ZNF670: variants seen among roughly 807,000 people sequenced by gnomAD.
ZNF670 encodes the protein zinc finger protein 670.
A neutral mutation model predicts 10.9 loss-of-function variants in ZNF670; 7 were observed. That is an observed-to-expected ratio of 0.64 (90% CI 0.36 to 1.20). ZNF670 has a LOEUF of 1.20. ZNF670 is among the 50% of genes most tolerant of loss of function. ZNF670 has a pLI of 0.02. For missense variants in ZNF670, 446 were observed against 458.6 expected, an observed-to-expected ratio of 0.97 and a Z score of 0.25; for synonymous variants, 136 against 152.7, an observed-to-expected ratio of 0.89 and a Z score of 0.81.
intron 1 of ZNF670, among the ~76,000 whole-genome samples, chr1:247,072,793 A>C (rs1671153015): frequency 1.6e-5 from 1 of 63,036 alleles, no homozygotes; most frequent in Admixed American, 2.5e-4. Flanking sequence ...GTCTCAAAAA[A>C]AAAAGTGTGT....
At chr1:247,066,061 C>G (rs1447353947) in intron 1 of ZNF670, among the ~76,000 whole-genome samples, 2 of 152,132 alleles carry the variant, frequency 1.3e-5, no homozygotes, top group East Asian at 3.9e-4. Flanking sequence ...CTGTGTGCAA[C>G]AAACTGAGGC....
chr1:247,072,157 A>C (rs1572573708), intron 1 of ZNF670, among the ~76,000 whole-genome samples: 1 of 141,952 alleles, frequency 7.0e-6, no homozygotes, highest in Non-Finnish European at 1.5e-5. Flanking sequence ...GCGCCCAGCC[A>C]CTTTTTTTTT....
chr1:247,045,972 A>G lies in ZNF670; in HGVS notation c.4-6435T>C, dbSNP rs552941846. Among the ~76,000 whole-genome samples, 4 of 152,318 alleles carry G rather than the reference A, an allele frequency of 2.6e-5. No homozygotes were observed. In the South Asian group the frequency reaches 8.3e-4, roughly 32 times the overall value. On this transcript the variant is annotated intron_variant, in intron 1 of 3. Coordinates refer to ENST00000366503, the MANE Select transcript of ZNF670 (RefSeq NM_033213.5). The stretch of plus-strand genomic sequence containing the variant: ...CAAAGACTTGGCTGCATTGTGTCCA[A>G]TGCCCTAAGGATTTGTAGGAGGTTT...
At chr1:247,039,891 G>A (rs1264227282) in intron 1 of ZNF670, among the ~76,000 whole-genome samples, 1 of 152,180 alleles carries the variant, frequency 6.6e-6, no homozygotes, top group African/African-American at 2.4e-5. Flanking sequence ...ATAACAGTTA[G>A]TATTAAGTCT....
intron 1 of ZNF670, among the ~76,000 whole-genome samples, chr1:247,076,446 T>C (rs1671255439): frequency 6.6e-6 from 1 of 151,302 alleles, no homozygotes; most frequent in African/African-American, 2.4e-5. Context: ...TTAGTAGAGA[T>C]GGGGTTTCAT....
At chr1:247,043,786 C>T in intron 1 of ZNF670, 1 of 374,226 alleles carries the variant, frequency 2.7e-6, no homozygotes, top group East Asian at 6.9e-5. Flanking sequence ...TTTGCAGAAA[C>T]TGGATCGGTT....
At chr1:247,049,914 A>G (rs1670551660) in intron 1 of ZNF670, among the ~76,000 whole-genome samples, 1 of 152,128 alleles carries the variant, frequency 6.6e-6, no homozygotes, top group Non-Finnish European at 1.5e-5. Context: ...GATTTTCTTA[A>G]ATTTATTGAG....
At chr1:247,051,965 G>A (rs947436753) in intron 1 of ZNF670, among the ~76,000 whole-genome samples, 4 of 148,918 alleles carry the variant, frequency 2.7e-5, no homozygotes, top group Non-Finnish European at 5.9e-5. Flanking sequence ...ATATGTGTTT[G>A]GAGATTTTTT....
intron 1 of ZNF670, among the ~76,000 whole-genome samples, chr1:247,045,485 C>G (rs920047881): frequency 6.6e-6 from 1 of 152,142 alleles, no homozygotes; most frequent in Non-Finnish European, 1.5e-5. Context: ...CTCTGACTCC[C>G]TCTCTCACCA....
intron 1 of ZNF670, among the ~76,000 whole-genome samples, chr1:247,059,864 G>C (rs1344664895): frequency 6.6e-6 from 1 of 152,134 alleles, no homozygotes; most frequent in African/African-American, 2.4e-5. Context: ...CTGTATATTA[G>C]CAATGAGCAA....
Position 247,078,715 on chromosome 1 carries a change from C to G in ZNF670, c.-119G>C, listed in dbSNP as rs527648346. Reference sequence around the variant, plus strand: ...TCCCAGGGATAAGGGGAAGGAGCAGCGGAGACGCACCGAGCTCGCCACATT... The same window carrying G: ...TCCCAGGGATAAGGGGAAGGAGCAGGGGAGACGCACCGAGCTCGCCACATT... On this transcript the variant is annotated 5_prime_UTR_variant, in exon 1 of 4. Coordinates refer to ENST00000366503, the MANE Select transcript of ZNF670 (RefSeq NM_033213.5). 5 of 1,125,212 alleles carry G rather than the reference C, an allele frequency of 4.4e-6. No homozygotes were observed. In the South Asian group the frequency reaches 6.9e-5, roughly 16 times the overall value. 69.7% of individuals were successfully genotyped at this position (1,125,212 alleles called of 1,614,324 possible).
At chr1:247,041,966 T>A (rs181746991) in intron 1 of ZNF670, among the ~76,000 whole-genome samples, 5 of 152,270 alleles carry the variant, frequency 3.3e-5, no homozygotes, top group African/African-American at 1.2e-4. Flanking sequence ...AACTAAGAGA[T>A]AAGTCTAGGT....
chr1:247,037,240 G>C lies in ZNF670; in HGVS notation c.*209C>G, dbSNP rs372117290. 2.5e-5 allele frequency: 12 copies of C among 485,580 alleles called. No individual in the cohort carries two copies. Among genetic ancestry groups the C allele is most frequent in the East Asian group, 2.3e-4 (7 of 30,506 alleles). 30.1% of individuals were successfully genotyped at this position (485,580 alleles called of 1,614,324 possible). A position where few individuals can be genotyped will look rare whatever the true frequency, so the allele number is the denominator to read the frequency against. On this transcript the variant is annotated 3_prime_UTR_variant, in exon 4 of 4. Transcript: ENST00000366503. The stretch of plus-strand genomic sequence containing the variant: ...AATAAAGTGTTCTAACACATTTTTC[G>C]TATTTTATGACGTTCTTTCCCAGGA...
At chr1:247,050,461 G>C (rs1301102202) in intron 1 of ZNF670, among the ~76,000 whole-genome samples, 1 of 147,478 alleles carries the variant, frequency 6.8e-6, no homozygotes, top group African/African-American at 2.6e-5. Flanking sequence ...TGATAACTTG[G>C]TTGGTGAATT....
intron 1 of ZNF670, among the ~76,000 whole-genome samples, chr1:247,055,206 G>C (rs533586723): frequency 6.6e-6 from 1 of 152,360 alleles, no homozygotes; most frequent in South Asian, 2.1e-4. Context: ...CCAGGAAATA[G>C]TCTCTTCCTT....
chr1:247,060,712 G>A (rs982952600), intron 1 of ZNF670, among the ~76,000 whole-genome samples: 2 of 152,170 alleles, frequency 1.3e-5, no homozygotes, highest in African/African-American at 2.4e-5. Flanking sequence ...TTCCATAGAA[G>A]ATTTATAGCC....
chr1:247,054,833 G>A (rs1368658073), intron 1 of ZNF670, among the ~76,000 whole-genome samples: 1 of 151,638 alleles, frequency 6.6e-6, no homozygotes, highest in African/African-American at 2.4e-5. Flanking sequence ...ATAATAATGA[G>A]TTATAAGACA....
At chr1:247,055,704 T>C (rs1670698415) in intron 1 of ZNF670, among the ~76,000 whole-genome samples, 2 of 152,070 alleles carry the variant, frequency 1.3e-5, no homozygotes, top group Non-Finnish European at 2.9e-5. Context: ...AACTAAATTC[T>C]CCCATCAAAA....
chr1:247,071,967 C>A (rs540942970), intron 1 of ZNF670, among the ~76,000 whole-genome samples: 1 of 151,544 alleles, frequency 6.6e-6, no homozygotes, highest in South Asian at 2.1e-4. Context: ...ATGCCATTCT[C>A]CTGCCTCAGC....
Sources: allele counts gnomAD v4.1 joint callset (sites outside exome capture counted in the v4.1 genomes callset), GRCh38; gene constraint gnomAD v4.1.1; transcripts MANE v1.5; gene names NCBI Gene and HGNC (gene_info 2026-07-23, HGNC 2026-07-21).